The following DPY30 variants were observed in gnomAD, a reference collection of about 807,000 sequenced individuals.
DPY30 encodes protein dpy-30 homolog.
Under a neutral mutation model 16.2 loss-of-function variants are expected in DPY30, and 6 were observed. The ratio of observed to expected loss-of-function variants is 0.37; its 90% CI spans 0.20 to 0.73. DPY30 has a LOEUF of 0.73. Among genes scored for constraint, DPY30 ranks in the 30% least tolerant of loss-of-function variants. The pLI is 0.51. For synonymous variants in DPY30, 39 were observed against 38.8 expected (o/e 1.00, Z -0.02); for missense variants, 73 against 113.1 (o/e 0.65, Z 1.61).
At chr2:32,021,367 G>T (rs1477279809), downstream of DPY30, among the ~76,000 whole-genome samples, 1 of 151,522 alleles carries the variant, frequency 6.6e-6, no homozygotes, top group Non-Finnish European at 1.5e-5. Context: ...TTAACCACAG[G>T]TATCAGAATG....
intron 3 of DPY30, 59 bp from the exon 4 acceptor site, chr2:32,029,795 C>T: frequency 6.4e-7 from 1 of 1,565,482 alleles, no homozygotes; most frequent in Non-Finnish European, 8.8e-7. Flanking sequence ...ATTTTGAGTG[C>T]TAAACAAAAC....
At chr2:32,022,556 C>A (rs891171711), downstream of DPY30, among the ~76,000 whole-genome samples, 2 of 151,086 alleles carry the variant, frequency 1.3e-5, no homozygotes, top group African/African-American at 4.9e-5. Flanking sequence ...CTCACTCTGT[C>A]GCCCAGGCTG....
intron 4 of DPY30, among the ~76,000 whole-genome samples, chr2:32,028,769 G>A (rs977042538): frequency 4.6e-5 from 7 of 151,378 alleles, no homozygotes; most frequent in South Asian, 4.2e-4. Flanking sequence ...CCAGCCTGGC[G>A]ACAGAGCGAG....
intron 3 of DPY30, among the ~76,000 whole-genome samples, chr2:32,038,135 C>CTTTTTTTTTT (rs35016868): frequency 9.3e-6 from 1 of 108,046 alleles, no homozygotes; most frequent in Non-Finnish European, 1.9e-5. Flanking sequence ...CATTTTCTTT[C>CTTTTTTTTTT]TTTTTTTTTT....
chr2:32,014,992 G>A (rs1675037432), intron 5 of DPY30, among the ~76,000 whole-genome samples: 1 of 151,990 alleles, frequency 6.6e-6, no homozygotes, highest in Non-Finnish European at 1.5e-5. Flanking sequence ...GGGTGGCTGA[G>A]GTGGAAGGAT....
At chr2:32,018,969 T>A (rs1302412143), downstream of DPY30, among the ~76,000 whole-genome samples, 1 of 152,128 alleles carries the variant, frequency 6.6e-6, no homozygotes, top group Non-Finnish European at 1.5e-5. Flanking sequence ...AAGGCTGCAG[T>A]GAGCTGAGAT....
intron 5 of DPY30, among the ~76,000 whole-genome samples, chr2:32,016,496 G>A (rs921229006): frequency 4.6e-5 from 7 of 152,160 alleles, no homozygotes; most frequent in African/African-American, 7.2e-5. Flanking sequence ...CGATTCTATC[G>A]CTTCTAACAG....
chr2:32,015,936 A>G (rs1265823759), intron 5 of DPY30, among the ~76,000 whole-genome samples: 3 of 150,964 alleles, frequency 2.0e-5, no homozygotes, highest in African/African-American at 7.3e-5. Flanking sequence ...TCTGTTGCCC[A>G]GGGAGTGCAC....
chr2:32,016,752 T>C (rs1489698042), intron 5 of DPY30, among the ~76,000 whole-genome samples: 1 of 152,184 alleles, frequency 6.6e-6, no homozygotes, highest in East Asian at 1.9e-4. Context: ...TCTTAAGGGA[T>C]ACAGTAGGTT....
chr2:32,012,538 C>G (rs1674976764), intron 5 of DPY30, among the ~76,000 whole-genome samples: 1 of 137,714 alleles, frequency 7.3e-6, no homozygotes, highest in African/African-American at 2.7e-5. Context: ...TCAAGTGATT[C>G]TCTTGCCTCA....
chr2:32,031,455 G>T (rs906575128), intron 3 of DPY30, among the ~76,000 whole-genome samples: 2 of 151,594 alleles, frequency 1.3e-5, no homozygotes, highest in African/African-American at 4.8e-5. Context: ...AAACTAGACA[G>T]GCATGGTGGT....
chr2:32,017,500 C>T (rs1241226398), intron 5 of DPY30, among the ~76,000 whole-genome samples: 1 of 151,822 alleles, frequency 6.6e-6, no homozygotes, highest in Non-Finnish European at 1.5e-5. Context: ...ATCTATAATC[C>T]CAGCTACTTG....
intron 5 of DPY30, among the ~76,000 whole-genome samples, chr2:32,018,652 G>C (rs57498247): frequency 6.6e-6 from 1 of 151,146 alleles, no homozygotes; most frequent in African/African-American, 2.4e-5. Context: ...ACTTGAACCC[G>C]GGAGGTGGAG....
chr2:32,019,621 A>G (rs1675132725), downstream of DPY30, among the ~76,000 whole-genome samples: 1 of 150,844 alleles, frequency 6.6e-6, no homozygotes. Context: ...CAGGAGTTTG[A>G]GACCAGCCTG....
At chr2:32,032,264 G>A (rs1236352136) in intron 3 of DPY30, among the ~76,000 whole-genome samples, 2 of 152,124 alleles carry the variant, frequency 1.3e-5, no homozygotes, top group African/African-American at 4.8e-5. Flanking sequence ...ATTTGTCCAT[G>A]GACTGAAAAT....
rs756755847 is a variant in DPY30 at position 32,039,330 on chromosome 2, G to C, written c.37-4C>G. On this transcript the variant is annotated splice_region_variant and splice_polypyrimidine_tract_variant and intron_variant, in intron 2 of 4. Transcript: ENST00000342166. ...CAGAGTGAGGATTTTCTGCAACCTA[G>C]AAAACAAAACACCGGTCACAGAGAT... 3 of 1,614,114 alleles carry C rather than the reference G, an allele frequency of 1.9e-6. No homozygotes were observed. The highest frequency in any genetic ancestry group is 1.1e-5 in the South Asian group (1 of 91,088).
chr2:32,035,752 T>C (rs1369818404), intron 3 of DPY30, among the ~76,000 whole-genome samples: 1 of 151,328 alleles, frequency 6.6e-6, no homozygotes, highest in Non-Finnish European at 1.5e-5. Flanking sequence ...TGACAAACAC[T>C]GTGAAACCCC....
chr2:32,022,014 A>G (rs1675194806), downstream of DPY30, among the ~76,000 whole-genome samples: 1 of 152,086 alleles, frequency 6.6e-6, no homozygotes, highest in African/African-American at 2.4e-5. Flanking sequence ...ATTCGAGACC[A>G]GCCTGGCCAC....
chr2:32,019,961 C>CATATAT (rs201249564), downstream of DPY30, among the ~76,000 whole-genome samples: 3 of 146,502 alleles, frequency 2.0e-5, no homozygotes, highest in Admixed American at 6.9e-5. Flanking sequence ...AAAACATATA[C>CATATAT]ATATATATAT....
Sources: allele counts gnomAD v4.1 joint callset (sites outside exome capture counted in the v4.1 genomes callset), GRCh38; gene constraint gnomAD v4.1.1; transcripts MANE v1.5; gene names NCBI Gene and HGNC (gene_info 2026-07-23, HGNC 2026-07-21).